The following ABLIM1 variants were observed in gnomAD, a reference collection of about 807,000 sequenced individuals.
ABLIM1 encodes actin binding LIM protein 1.
A neutral mutation model predicts 107.0 loss-of-function variants in ABLIM1; 40 were observed. The ratio of observed to expected loss-of-function variants is 0.37; its 90% CI spans 0.29 to 0.49. The LOEUF is 0.49. Among genes scored for constraint, ABLIM1 ranks in the 20% least tolerant of loss-of-function variants. The pLI is 0.97. For missense variants in ABLIM1, 857 were observed against 1,008.5 expected (o/e 0.85, Z 2.04); for synonymous variants, 357 against 357.3 (o/e 1.00, Z 0.01).
chr10:114,769,370 G>T (rs2082979199), upstream of ABLIM1, among the ~76,000 whole-genome samples: 1 of 140,792 alleles, frequency 7.1e-6, no homozygotes, highest in Non-Finnish European at 1.5e-5. Context: ...AAGAAAGAAA[G>T]AGAGAAAGAG....
At chr10:114,734,005 C>A (rs1055651590) in intron 1 of ABLIM1, among the ~76,000 whole-genome samples, 1 of 152,200 alleles carries the variant, frequency 6.6e-6, no homozygotes, top group Admixed American at 6.5e-5. Context: ...GGATTACAGG[C>A]GTGTGCCACC....
chr10:114,721,204 G>A (rs565487866), intron 1 of ABLIM1, among the ~76,000 whole-genome samples: 37 of 152,264 alleles, frequency 2.4e-4, no homozygotes, highest in Admixed American at 2.0e-3. Flanking sequence ...CGTTACTGGC[G>A]TGATCCCTTT....
At position 114,589,042 on chromosome 10, in the gene ABLIM1, G is replaced by A. The variant is rs535953316; in HGVS notation, c.379+12785C>T. 9.2e-5 allele frequency among the ~76,000 whole-genome samples: 14 copies of A among 152,108 alleles called. No homozygotes were observed. The East Asian group carries it at 1.5e-3, about 17-fold the overall frequency. ...TGAAAAATTCCTATCACCTAGTGAC[G>A]ACTTGGCCTAGTATAATGTGTACAT... On this transcript the variant is annotated intron_variant, in intron 2 of 22. Coordinates refer to ENST00000533213, the MANE Select transcript of ABLIM1 (RefSeq NM_002313.7).
intron 1 of ABLIM1, among the ~76,000 whole-genome samples, chr10:114,731,676 C>T (rs1370864466): frequency 2.0e-5 from 3 of 151,990 alleles, no homozygotes; most frequent in Non-Finnish European, 4.4e-5. Flanking sequence ...AGGTTCAAAC[C>T]TTGGCTCACT....
In ABLIM1 at chr10:114,432,827, C is replaced by A. The variant is rs1442364847; in HGVS notation, c.*3433G>T. On this transcript the variant is annotated 3_prime_UTR_variant, in exon 23 of 23. Coordinates refer to ENST00000533213, the MANE Select transcript of ABLIM1 (RefSeq NM_002313.7). Reference sequence around the variant, plus strand: ...AAACAACAACTCATTAACTCTATCTCTTTGAGGTTTTGGAGAACAGGAAGT... The same window carrying A: ...AAACAACAACTCATTAACTCTATCTATTTGAGGTTTTGGAGAACAGGAAGT... The A allele has an allele frequency of 1.3e-5, 2 of 152,134 alleles. No individual in the cohort carries two copies. Among genetic ancestry groups the A allele is most frequent in the Non-Finnish European group, 2.9e-5 (2 of 68,036 alleles). 9.4% of individuals were successfully genotyped at this position (152,134 alleles called of 1,614,324 possible).
intron 8 of ABLIM1, among the ~76,000 whole-genome samples, chr10:114,476,206 A>C (rs750582133): frequency 1.8e-4 from 27 of 152,210 alleles, no homozygotes; most frequent in Non-Finnish European, 5.9e-5. Flanking sequence ...CACCAGGTGC[A>C]TCACTTCTGG....
intron 1 of ABLIM1, among the ~76,000 whole-genome samples, chr10:114,712,350 C>T (rs2081569580): frequency 1.4e-5 from 1 of 69,092 alleles, no homozygotes; most frequent in South Asian, 6.9e-4. Flanking sequence ...GAGACTCCGT[C>T]TCGAAAAAAA....
intron 6 of ABLIM1, among the ~76,000 whole-genome samples, chr10:114,530,049 T>C (rs1464639292): frequency 1.3e-5 from 2 of 152,126 alleles, no homozygotes; most frequent in Admixed American, 6.6e-5. Flanking sequence ...TTTTTAAAAA[T>C]AATCAAAGGG....
chr10:114,581,837 A>T (rs571950775), intron 2 of ABLIM1, among the ~76,000 whole-genome samples: 6 of 152,216 alleles, frequency 3.9e-5, no homozygotes, highest in Non-Finnish European at 7.4e-5. Flanking sequence ...TAGATGTACT[A>T]ATTTACCCTT....
chr10:114,538,555 G>A (rs2066282102), intron 6 of ABLIM1, among the ~76,000 whole-genome samples: 1 of 152,156 alleles, frequency 6.6e-6, no homozygotes, highest in Non-Finnish European at 1.5e-5. Flanking sequence ...AATACCACGA[G>A]ACACAAGGAC....
chr10:114,438,260 T>C (rs1208157682), intron 21 of ABLIM1, among the ~76,000 whole-genome samples: 1 of 152,176 alleles, frequency 6.6e-6, no homozygotes, highest in Non-Finnish European at 1.5e-5. Flanking sequence ...TTTTTGTTTT[T>C]GTTTTTCTTT....
chr10:114,607,508 A>G (rs1260308939), intron 1 of ABLIM1, among the ~76,000 whole-genome samples: 3 of 152,214 alleles, frequency 2.0e-5, no homozygotes, highest in South Asian at 2.1e-4. Context: ...GACTAACTTT[A>G]CAATAGAGAA....
chr10:114,611,200 C>T (rs140540815), intron 1 of ABLIM1, among the ~76,000 whole-genome samples: 1,834 of 152,038 alleles, frequency 0.012, 14 homozygotes, highest in Non-Finnish European at 0.017. Flanking sequence ...GGCATGGTAG[C>T]TCATGCCTGT....
chr10:114,632,653 T>C (rs1228580234), intron 1 of ABLIM1: 2 of 985,334 alleles, frequency 2.0e-6, no homozygotes, highest in African/African-American at 3.5e-5. Context: ...AGAGGATCTT[T>C]CAGGATTCTA....
At chr10:114,631,791 C>T (rs2078194891) in intron 1 of ABLIM1, 4 of 1,162,456 alleles carry the variant, frequency 3.4e-6, no homozygotes, top group Non-Finnish European at 4.5e-6. Context: ...CTTCTCACAC[C>T]GAGAACATGT....
intron 8 of ABLIM1, among the ~76,000 whole-genome samples, chr10:114,485,721 C>T (rs1005662205): frequency 4.6e-5 from 7 of 152,256 alleles, no homozygotes; most frequent in Middle Eastern, 3.4e-3. Flanking sequence ...TTACAAATGC[C>T]CCATGAGTTC....
At chr10:114,781,656 ATATGCGTG>A in the ABLIM1 span, among the ~76,000 whole-genome samples, 1 of 69,688 alleles carries the variant, frequency 1.4e-5, no homozygotes, top group African/African-American at 5.5e-5. Context: ...GTGTATATAT[ATATGCGTG>A]TATATATATA....
chr10:114,553,176 G>T (rs987462207), intron 4 of ABLIM1, among the ~76,000 whole-genome samples: 7 of 152,290 alleles, frequency 4.6e-5, no homozygotes, highest in Admixed American at 3.9e-4. Context: ...GAAGGCTGAG[G>T]ACATGGGGCT....
exon 1 of ABLIM1, chr10:114,684,554 T>C: frequency 7.2e-7 from 1 of 1,388,032 alleles, no homozygotes; most frequent in Non-Finnish European, 9.3e-7. Flanking sequence ...TGAGTGACTC[T>C]GGCTCCTTCC....
Sources: allele counts gnomAD v4.1 joint callset (sites outside exome capture counted in the v4.1 genomes callset), GRCh38; gene constraint gnomAD v4.1.1; transcripts MANE v1.5; gene names NCBI Gene and HGNC (gene_info 2026-07-23, HGNC 2026-07-21).